SGCZ: variants seen among roughly 807,000 people sequenced by gnomAD.
The protein encoded by SGCZ is sarcoglycan zeta, also known as zeta-sarcoglycan.
SGCZ carries 40 observed loss-of-function variants against 41.3 expected under a neutral mutation model. The observed-to-expected ratio is 0.97, with a 90% CI of 0.75 to 1.26. The LOEUF is 1.26. Among genes scored for constraint, SGCZ ranks in the 50% most tolerant of loss-of-function variants. The pLI is 0.00. For synonymous variants in SGCZ, 206 were observed against 137.5 expected (o/e 1.50, Z -3.49); for missense variants, 552 against 369.8 (o/e 1.49, Z -4.04).
At chr8:15,118,233 T>C (rs1432564546) in intron 1 of SGCZ, among the ~76,000 whole-genome samples, 1 of 152,230 alleles carries the variant, frequency 6.6e-6, no homozygotes, top group Non-Finnish European at 1.5e-5. Context: ...TCATTATTCT[T>C]TCTTGGAGAT....
chr8:14,617,907 T>C (rs1585129068), intron 1 of SGCZ, among the ~76,000 whole-genome samples: 1 of 151,828 alleles, frequency 6.6e-6, no homozygotes, highest in Non-Finnish European at 1.5e-5. Flanking sequence ...CAGTCACAGA[T>C]GTGGATTTAT....
At chr8:14,775,050 G>A (rs530735753) in intron 1 of SGCZ, among the ~76,000 whole-genome samples, 10 of 152,080 alleles carry the variant, frequency 6.6e-5, no homozygotes, top group Admixed American at 6.6e-4. Flanking sequence ...CACAATTATA[G>A]TATACTAAAT....
chr8:15,041,972 T>C (rs965730468), intron 1 of SGCZ, among the ~76,000 whole-genome samples: 1 of 152,142 alleles, frequency 6.6e-6, no homozygotes, highest in Admixed American at 6.6e-5. Context: ...GTACATAAGA[T>C]AAAAAAGGCT....
chr8:15,102,296 A>G (rs949824899), intron 1 of SGCZ, among the ~76,000 whole-genome samples: 4 of 152,232 alleles, frequency 2.6e-5, no homozygotes, highest in African/African-American at 9.6e-5. Context: ...GTTTCCAACT[A>G]TATGGCATTC....
chr8:14,530,432 T>A (rs1415906097), intron 2 of SGCZ, among the ~76,000 whole-genome samples: 1 of 152,142 alleles, frequency 6.6e-6, no homozygotes, highest in South Asian at 2.1e-4. Context: ...TATTTGATAA[T>A]ACTTTCATTA....
intron 2 of SGCZ, among the ~76,000 whole-genome samples, chr8:14,435,202 G>A (rs566685002): frequency 6.6e-6 from 1 of 152,102 alleles, no homozygotes; most frequent in South Asian, 2.1e-4. Context: ...ACTGTAAAAC[G>A]GTTAAATTTA....
At chr8:14,389,479 A>G (rs1379973810) in intron 2 of SGCZ, among the ~76,000 whole-genome samples, 3 of 151,206 alleles carry the variant, frequency 2.0e-5, no homozygotes, top group Non-Finnish European at 4.4e-5. Flanking sequence ...CTGACAGGAA[A>G]AAAAAAAAAA....
At chr8:14,288,252 G>T (rs1162232009) in intron 3 of SGCZ, among the ~76,000 whole-genome samples, 3 of 151,932 alleles carry the variant, frequency 2.0e-5, no homozygotes, top group Non-Finnish European at 2.9e-5. Context: ...TGTATTAGCT[G>T]GTTAATTTTT....
At chr8:14,911,406 A>G (rs11988018) in intron 1 of SGCZ, among the ~76,000 whole-genome samples, 11,776 of 152,098 alleles carry the variant, frequency 0.077, 1,516 homozygotes, top group African/African-American at 0.27. Flanking sequence ...TAGGACATTA[A>G]ATAGCTATTG....
chr8:14,748,324 T>C (rs1011829070), intron 1 of SGCZ, among the ~76,000 whole-genome samples: 1 of 152,190 alleles, frequency 6.6e-6, no homozygotes, highest in Non-Finnish European at 1.5e-5. Context: ...TTTTAACTAT[T>C]ATACTATCTC....
At chr8:14,755,716 A>G (rs1799643308) in intron 1 of SGCZ, among the ~76,000 whole-genome samples, 1 of 152,130 alleles carries the variant, frequency 6.6e-6, no homozygotes. Flanking sequence ...TATCACCTCC[A>G]CTAAAGGCTG....
At chr8:14,483,803 ATAAAT>A (rs1801599498) in intron 2 of SGCZ, among the ~76,000 whole-genome samples, 1 of 152,200 alleles carries the variant, frequency 6.6e-6, no homozygotes, top group Non-Finnish European at 1.5e-5. Context: ...TATATGCAGC[ATAAAT>A]GACAAAGTTA....
intron 1 of SGCZ, among the ~76,000 whole-genome samples, chr8:15,108,959 CA>C (rs1806941065): frequency 6.6e-6 from 1 of 152,038 alleles, no homozygotes; most frequent in Non-Finnish European, 1.5e-5. Context: ...AAAACGACTG[CA>C]AAAATAGAAT....
chr8:14,544,565 G>A (rs1803567228), intron 2 of SGCZ, among the ~76,000 whole-genome samples: 2 of 152,038 alleles, frequency 1.3e-5, no homozygotes, highest in African/African-American at 4.8e-5. Flanking sequence ...ATGCGTTCCT[G>A]GGGGAGGTCT....
intron 1 of SGCZ, among the ~76,000 whole-genome samples, chr8:14,702,836 G>GAT (rs1415565279): frequency 1.8e-5 from 1 of 55,986 alleles, no homozygotes. Flanking sequence ...TAGATAGATA[G>GAT]ATAGATAGAT....
chr8:15,121,436 G>T (rs559003268), intron 1 of SGCZ, among the ~76,000 whole-genome samples: 2 of 152,102 alleles, frequency 1.3e-5, no homozygotes, highest in African/African-American at 4.8e-5. Flanking sequence ...TATAGCAGAT[G>T]ACCTTCCAAG....
chr8:14,484,957 C>T (rs187045004), intron 2 of SGCZ, among the ~76,000 whole-genome samples: 2 of 152,260 alleles, frequency 1.3e-5, no homozygotes, highest in East Asian at 1.9e-4. Context: ...AACAGTTTGA[C>T]ATTGAGTCTT....
chr8:14,201,720 T>G (rs898111885), intron 4 of SGCZ, among the ~76,000 whole-genome samples: 60 of 152,158 alleles, frequency 3.9e-4, no homozygotes, highest in African/African-American at 1.3e-3. Context: ...TATATGCACC[T>G]GTCAAAGCTC....
chr8:15,135,990 A>G (rs1446004947), intron 1 of SGCZ, among the ~76,000 whole-genome samples: 1 of 152,174 alleles, frequency 6.6e-6, no homozygotes, highest in African/African-American at 2.4e-5. Context: ...AACGGTGGTA[A>G]CTTTCAGGTT....
Sources: gnomAD v4.1 joint callset for allele counts (sites outside exome capture counted in the v4.1 genomes callset) on GRCh38, gnomAD v4.1.1 for gene constraint, MANE v1.5 for transcripts, NCBI Gene and HGNC (gene_info 2026-07-23, HGNC 2026-07-21) for gene names.